GABRG3: variants seen among roughly 807,000 people sequenced by gnomAD.
The protein encoded by GABRG3 is gamma-aminobutyric acid type A receptor subunit gamma3, also known as gamma-aminobutyric acid receptor subunit gamma-3.
In GABRG3, 25 loss-of-function variants were observed where a neutral mutation model predicts 48.8. The observed-to-expected ratio is 0.51, with a 90% CI of 0.37 to 0.72. The LOEUF is 0.72. Among genes scored for constraint, GABRG3 ranks in the 30% least tolerant of loss-of-function variants. GABRG3 has a pLI of 0.00. For synonymous variants in GABRG3, 227 were observed against 217.6 expected, an observed-to-expected ratio of 1.04 and a Z score of -0.38; for missense variants, 394 against 577.9, an observed-to-expected ratio of 0.68 and a Z score of 3.26.
chr15:27,230,405 T>A (rs1458466076), intron 3 of GABRG3, among the ~76,000 whole-genome samples: 1 of 152,202 alleles, frequency 6.6e-6, no homozygotes, highest in Non-Finnish European at 1.5e-5. Flanking sequence ...AGGAGGGGTA[T>A]GGAAGACATA....
At position 27,149,033 on chromosome 15, in the gene GABRG3, G is replaced by A. The variant is rs574276522; in HGVS notation, c.270+122212G>A. The stretch of plus-strand genomic sequence containing the variant: ...ATTAATAATTAAAATGATAAAAGTC[G>A]TATTTTTGGAAAGAAGGAAGTAAAA... On this transcript the variant is annotated intron_variant, in intron 3 of 9. Coordinates refer to ENST00000615808, the MANE Select transcript of GABRG3 (RefSeq NM_033223.5). 2.1e-3 allele frequency among the ~76,000 whole-genome samples: 314 copies of A among 152,060 alleles called. 3 individuals carry two copies. Among genetic ancestry groups the A allele is most frequent in the Non-Finnish European group, 3.8e-3 (255 of 67,914 alleles).
In GABRG3 at chr15:27,002,760, A is replaced by AAAAAAAAG. The variant is rs71130292; in HGVS notation, c.203-23991_203-23990insAAAAGAAA. 6.2e-3 allele frequency among the ~76,000 whole-genome samples: 776 copies of AAAAAAAAG among 125,842 alleles called. 42 individuals carry two copies. Among genetic ancestry groups the AAAAAAAAG allele is most frequent in the African/African-American group, 9.4e-3 (308 of 32,634 alleles). 82.6% of individuals were successfully genotyped at this position (125,842 alleles called of 152,430 possible). A position where few individuals can be genotyped will look rare whatever the true frequency, so the allele number is the denominator to read the frequency against. On this transcript the variant is annotated intron_variant, in intron 2 of 9. Transcript: ENST00000615808. ...CGTGTCTCTCAAAAAAAAAAAAAAA[A>AAAAAAAAG]AAAGGAAGGAAGGAAGGAAGGAAAG...
intron 3 of GABRG3, among the ~76,000 whole-genome samples, chr15:27,226,144 C>T (rs1365952552): frequency 2.0e-5 from 3 of 152,036 alleles, no homozygotes; most frequent in Non-Finnish European, 2.9e-5. Flanking sequence ...GGGCCCTGAG[C>T]TGGCAGAGGG....
chr15:27,252,893 C>T (rs574549795), intron 3 of GABRG3, among the ~76,000 whole-genome samples: 37 of 152,306 alleles, frequency 2.4e-4, no homozygotes, highest in Admixed American at 1.0e-3. Flanking sequence ...TCTCCAACAC[C>T]GGCTTTGTTG....
intron 3 of GABRG3, among the ~76,000 whole-genome samples, chr15:27,094,598 G>T (rs1273766247): frequency 6.6e-6 from 1 of 152,174 alleles, no homozygotes; most frequent in Non-Finnish European, 1.5e-5. Context: ...AAGCAGTTCT[G>T]CAGGGAGCAG....
chr15:27,301,082 C>G (rs1046468158), intron 3 of GABRG3, among the ~76,000 whole-genome samples: 2 of 151,882 alleles, frequency 1.3e-5, no homozygotes, highest in African/African-American at 4.8e-5. Context: ...TAGCAATTAT[C>G]AAAAGTGACA....
intron 2 of GABRG3, among the ~76,000 whole-genome samples, chr15:26,984,392 G>A (rs988331019): frequency 2.6e-5 from 4 of 152,100 alleles, no homozygotes; most frequent in African/African-American, 9.7e-5. Context: ...TAATAGACTC[G>A]TTCGTTCATG....
rs1028587259 is a variant in GABRG3 at position 27,236,734 on chromosome 15, A to G, written c.271-90075A>G. On this transcript the variant is annotated intron_variant, in intron 3 of 9. Transcript: ENST00000615808. This position sits in a 1 kb window ranked among gnomAD's most constrained non-coding sequence, Gnocchi z 4.4. The stretch of plus-strand genomic sequence containing the variant: ...CTTGTCCTCTGCTTCACCGTTTGAC[A>G]TCAGAGGGCCAAAAACTCTATCCTC... Among the ~76,000 whole-genome samples, 1 of 152,218 alleles carries G rather than the reference A, an allele frequency of 6.6e-6. No homozygotes were observed. The highest frequency in any genetic ancestry group is 1.5e-5 in the Non-Finnish European group (1 of 68,042).
chr15:27,232,960 C>T (rs1048530579), intron 3 of GABRG3, among the ~76,000 whole-genome samples: 1 of 152,188 alleles, frequency 6.6e-6, no homozygotes, highest in Non-Finnish European at 1.5e-5. Flanking sequence ...GGCAGGACTG[C>T]CAGGAAGCAC....
intron 3 of GABRG3, among the ~76,000 whole-genome samples, chr15:27,146,049 TAAAAA>T (rs1312401346): frequency 6.6e-6 from 1 of 151,666 alleles, no homozygotes; most frequent in Non-Finnish European, 1.5e-5. Context: ...ACATCCCAAA[TAAAAA>T]AGAAAAAACA....
intron 5 of GABRG3, among the ~76,000 whole-genome samples, chr15:27,336,826 T>C (rs1893993321): frequency 6.6e-6 from 1 of 152,226 alleles, no homozygotes; most frequent in East Asian, 1.9e-4. Context: ...GGATGACTAC[T>C]CCACAAGAAA....
chr15:27,050,842 C>A lies in GABRG3; in HGVS notation c.270+24021C>A, dbSNP rs11263702. On this transcript the variant is annotated intron_variant, in intron 3 of 9. Transcript: ENST00000615808. ...ACTGATTACTATATATTAAGCATTA[C>A]AATTTATTACCAATAGCTGTACATA... 7.2e-3 allele frequency among the ~76,000 whole-genome samples: 1,093 copies of A among 152,222 alleles called. 12 individuals are homozygous for A. Among genetic ancestry groups the A allele is most frequent in the African/African-American group, 0.025 (1,050 of 41,542 alleles).
intron 3 of GABRG3, among the ~76,000 whole-genome samples, chr15:27,308,662 A>G (rs1040057183): frequency 6.7e-6 from 1 of 149,264 alleles, no homozygotes. Flanking sequence ...GTATAAACAT[A>G]TAATGTAAAC....
intron 5 of GABRG3, among the ~76,000 whole-genome samples, chr15:27,368,530 G>T (rs1415513873): frequency 6.6e-6 from 1 of 152,212 alleles, no homozygotes; most frequent in African/African-American, 2.4e-5. Context: ...TGTCCAAGGT[G>T]CATAGTTGGG....
At chr15:27,177,466 T>G (rs1887783573) in intron 3 of GABRG3, among the ~76,000 whole-genome samples, 1 of 152,236 alleles carries the variant, frequency 6.6e-6, no homozygotes, top group African/African-American at 2.4e-5. Context: ...ATCCTAACTT[T>G]GGCCTTTTGT....
Position 27,532,746 on chromosome 15 carries a change from A to G in GABRG3, c.1269A>G (p.Glu423=), listed in dbSNP as rs765656189. ...DCQSFFCCYE[E]CKSGSWRKGR... is the part of the protein sequence containing the mutation. Reference sequence around the variant, plus strand: ...AGAGCTTCTTCTGCTGCTATGAAGAATGTAAATCAGGATCCTGGAGGAAAG... The same window carrying G: ...AGAGCTTCTTCTGCTGCTATGAAGAGTGTAAATCAGGATCCTGGAGGAAAG... Residue 423 remains glutamate (E), a synonymous_variant, in exon 10 of 10, where the codon GAA becomes GAG. Coordinates refer to ENST00000615808, the MANE Select transcript of GABRG3 (RefSeq NM_033223.5). 21 of 1,614,040 alleles carry G rather than the reference A, an allele frequency of 1.3e-5. No homozygotes were observed. The South Asian group carries it at 1.8e-4, about 14-fold the overall frequency.
At chr15:27,045,662 C>T (rs920454344) in intron 3 of GABRG3, among the ~76,000 whole-genome samples, 55 of 152,288 alleles carry the variant, frequency 3.6e-4, no homozygotes, top group Middle Eastern at 3.4e-3. Context: ...TCATGGAAGG[C>T]GAAAGAGAAA....
chr15:26,980,681 CAAAAAAAAAAAA>C (rs67711680), intron 2 of GABRG3, among the ~76,000 whole-genome samples: 80,491 of 124,628 alleles, frequency 0.65, 23,042 homozygotes, highest in East Asian at 0.86. Flanking sequence ...TCCTCTGTCT[CAAAAAAAAAAAA>C]AAAAAAAAAA....
intron 3 of GABRG3, among the ~76,000 whole-genome samples, chr15:27,131,343 AT>A (rs1187657512): frequency 1.3e-5 from 2 of 151,780 alleles, no homozygotes; most frequent in Admixed American, 6.6e-5. Flanking sequence ...GCACTGATTG[AT>A]TTTTTTATGT....
Sources: gnomAD v4.1 joint callset for allele counts (sites outside exome capture counted in the v4.1 genomes callset) on GRCh38, gnomAD v4.1.1 for gene constraint, Gnocchi (gnomAD v3.1) non-coding constraint, MANE v1.5 for transcripts, NCBI Gene and HGNC (gene_info 2026-07-23, HGNC 2026-07-21) for gene names.